Variants in GRM7 observed in about 807,000 individuals in gnomAD.
GRM7 encodes the protein glutamate metabotropic receptor 7.
In GRM7, 35 loss-of-function variants were observed where a neutral mutation model predicts 84.5. The observed-to-expected ratio is 0.41, with a 90% CI of 0.32 to 0.55. The LOEUF (loss-of-function observed/expected upper bound fraction) is 0.55. Ranked by LOEUF, GRM7 falls within the 20% of genes least tolerant of loss-of-function variation. GRM7 has a pLI of 0.19. For synonymous variants in GRM7, 487 were observed against 455.1 expected (o/e 1.07, Z -0.89); for missense variants, 1,003 against 1,194.6 (o/e 0.84, Z 2.36).
At chr3:6,984,710 G>T (rs1694340440) in intron 1 of GRM7, among the ~76,000 whole-genome samples, 1 of 152,032 alleles carries the variant, frequency 6.6e-6, no homozygotes, top group Admixed American at 6.6e-5. Flanking sequence ...CTTTATGGAG[G>T]GGAATTGGCT....
chr3:6,919,893 A>G (rs1037376255), intron 1 of GRM7, among the ~76,000 whole-genome samples: 28 of 152,168 alleles, frequency 1.8e-4, no homozygotes, highest in Admixed American at 1.3e-3. Flanking sequence ...GAGATGCTCA[A>G]CCAGGTGAGG....
chr3:7,519,556 G>A (rs1700515271), intron 7 of GRM7, among the ~76,000 whole-genome samples: 1 of 152,118 alleles, frequency 6.6e-6, no homozygotes, highest in African/African-American at 2.4e-5. Flanking sequence ...TGGAGTTAAA[G>A]AGGTCATAGA....
chr3:6,945,761 G>C (rs1470710804), intron 1 of GRM7, among the ~76,000 whole-genome samples: 2 of 152,156 alleles, frequency 1.3e-5, no homozygotes, highest in East Asian at 3.9e-4. Context: ...CATTCTAACC[G>C]GTGTGAGATG....
At chr3:7,694,745 G>GTTAGTACTCAGATAT (rs1700953446) in intron 9 of GRM7, among the ~76,000 whole-genome samples, 2 of 152,130 alleles carry the variant, frequency 1.3e-5, no homozygotes, top group South Asian at 4.1e-4. Context: ...ATTAGTACCT[G>GTTAGTACTCAGATAT]TTAGTACTCA....
chr3:6,980,917 G>C (rs945723894), intron 1 of GRM7, among the ~76,000 whole-genome samples: 18 of 152,146 alleles, frequency 1.2e-4, no homozygotes, highest in Non-Finnish European at 2.5e-4. Context: ...ATGTAAACTG[G>C]TGAAATTACT....
intron 9 of GRM7, among the ~76,000 whole-genome samples, chr3:7,721,431 C>T (rs572119025): frequency 3.3e-4 from 50 of 152,282 alleles, no homozygotes; most frequent in South Asian, 1.2e-3. Context: ...TACAGACATA[C>T]GCCAGAGATG....
intron 4 of GRM7, among the ~76,000 whole-genome samples, chr3:7,307,980 G>C (rs1179474874): frequency 6.6e-6 from 1 of 152,292 alleles, no homozygotes; most frequent in Non-Finnish European, 1.5e-5. Context: ...CTTTCCTAGG[G>C]TGGTGGTGAT....
intron 9 of GRM7, among the ~76,000 whole-genome samples, chr3:7,703,833 C>G (rs935416116): frequency 6.6e-6 from 1 of 152,156 alleles, no homozygotes; most frequent in Non-Finnish European, 1.5e-5. Flanking sequence ...ATAAAGCTTG[C>G]ACCAAGTTCT....
chr3:7,013,133 TA>T (rs796367147), intron 1 of GRM7, among the ~76,000 whole-genome samples: 184 of 59,454 alleles, frequency 3.1e-3, no homozygotes, highest in Non-Finnish European at 4.4e-3. Flanking sequence ...AACCCTACCA[TA>T]AAAAAAAAAA....
chr3:7,357,800 C>T (rs1284623251), intron 4 of GRM7, among the ~76,000 whole-genome samples: 1 of 151,980 alleles, frequency 6.6e-6, no homozygotes, highest in Non-Finnish European at 1.5e-5. Context: ...TTCAAAAAAA[C>T]ATTTCTCTGT....
chr3:7,278,172 A>G (rs2124990594), intron 2 of GRM7, among the ~76,000 whole-genome samples: 1 of 152,212 alleles, frequency 6.6e-6, no homozygotes, highest in South Asian at 2.1e-4. Context: ...GATATACTCA[A>G]AACTATAAAG....
chr3:7,204,609 A>G (rs1696174082), intron 2 of GRM7, among the ~76,000 whole-genome samples: 1 of 152,222 alleles, frequency 6.6e-6, no homozygotes, highest in Non-Finnish European at 1.5e-5. Context: ...GAAACATAGC[A>G]GAAATGAGTG....
At chr3:6,967,417 A>G (rs1693564236) in intron 1 of GRM7, among the ~76,000 whole-genome samples, 1 of 150,538 alleles carries the variant, frequency 6.6e-6, no homozygotes, top group Non-Finnish European at 1.5e-5. Flanking sequence ...CTGATCTCCA[A>G]CTCCTGGGCT....
chr3:7,459,668 G>T (rs1575368766), intron 6 of GRM7, among the ~76,000 whole-genome samples: 1 of 152,046 alleles, frequency 6.6e-6, no homozygotes. Context: ...GGGGGAAACT[G>T]CCCGCATGAT....
intron 4 of GRM7, 49 bp downstream of exon 4, chr3:7,306,701 T>C: frequency 6.8e-7 from 1 of 1,472,864 alleles, no homozygotes; most frequent in Non-Finnish European, 9.2e-7. Context: ...TCTGGTGCCA[T>C]GCTGAATGGC....
intron 8 of GRM7, among the ~76,000 whole-genome samples, chr3:7,667,657 T>A (rs942379383): frequency 7.2e-5 from 11 of 152,142 alleles, no homozygotes; most frequent in African/African-American, 2.7e-4. Flanking sequence ...TCCTAGATAT[T>A]ATGGAGAGAT....
chr3:7,215,510 A>G (rs1456495303), intron 2 of GRM7, among the ~76,000 whole-genome samples: 1 of 151,768 alleles, frequency 6.6e-6, no homozygotes, highest in East Asian at 1.9e-4. Context: ...TAAAAATACA[A>G]AAAAATTAGC....
At chr3:7,682,025 A>G (rs1031929054) in intron 9 of GRM7, 5 of 152,130 alleles carry the variant, frequency 3.3e-5, no homozygotes, top group African/African-American at 1.2e-4. Context: ...CAGGGTAGAT[A>G]AAACTCAATC....
intron 1 of GRM7, among the ~76,000 whole-genome samples, chr3:7,097,275 A>G (rs1403019600): frequency 1.3e-5 from 2 of 152,146 alleles, no homozygotes; most frequent in Non-Finnish European, 2.9e-5. Context: ...GTAAGAGGAT[A>G]TGAGACAACC....
Sources: gnomAD v4.1 joint callset for allele counts (sites outside exome capture counted in the v4.1 genomes callset) on GRCh38, gnomAD v4.1.1 for gene constraint, MANE v1.5 for transcripts, NCBI Gene and HGNC (gene_info 2026-07-23, HGNC 2026-07-21) for gene names.